The following LNX1 variants were observed in gnomAD, a reference collection of about 807,000 sequenced individuals.
The protein encoded by LNX1 is E3 ubiquitin-protein ligase LNX.
A neutral mutation model predicts 68.4 loss-of-function variants in LNX1; 54 were observed. The ratio of observed to expected loss-of-function variants is 0.79; its 90% CI spans 0.63 to 0.99. LNX1 has a LOEUF of 0.99. Among genes scored for constraint, LNX1 ranks in the 50% least tolerant of loss-of-function variants. The pLI is 0.00. For missense variants in LNX1, 906 were observed against 926.4 expected (o/e 0.98, Z 0.29); for synonymous variants, 336 against 350.0 (o/e 0.96, Z 0.45).
At chr4:53,632,526 T>G (rs1560701290) in intron 1 of LNX1, among the ~76,000 whole-genome samples, 2 of 152,210 alleles carry the variant, frequency 1.3e-5, no homozygotes, top group Non-Finnish European at 2.9e-5. Flanking sequence ...CTCCTTTGCC[T>G]CATGGCAGGA....
chr4:53,554,851 C>CAAA (rs3067036), intron 2 of LNX1, among the ~76,000 whole-genome samples: 20,539 of 120,998 alleles, frequency 0.17, 1,844 homozygotes, highest in African/African-American at 0.29. Flanking sequence ...GACTCTGTCT[C>CAAA]AAAAAAAAAA....
intron 2 of LNX1, among the ~76,000 whole-genome samples, chr4:53,600,581 T>A (rs1732955740): frequency 6.6e-6 from 1 of 152,080 alleles, no homozygotes; most frequent in Admixed American, 6.5e-5. Flanking sequence ...AGAAGGACTC[T>A]CAGTCAGATT....
chr4:53,575,392 A>C (rs1731418280), intron 1 of LNX1: 1 of 512,562 alleles, frequency 2.0e-6, no homozygotes, highest in Non-Finnish European at 2.5e-6. Context: ...GCATCTAGGA[A>C]GTCTCTTGCG....
intron 2 of LNX1, among the ~76,000 whole-genome samples, chr4:53,598,082 G>A (rs1377855803): frequency 6.6e-6 from 1 of 152,154 alleles, no homozygotes; most frequent in African/African-American, 2.4e-5. Context: ...GCAGACTTGA[G>A]ATTCAGTCCC....
At chr4:53,481,291 G>A (rs540363337) in intron 7 of LNX1, among the ~76,000 whole-genome samples, 5 of 152,150 alleles carry the variant, frequency 3.3e-5, no homozygotes, top group East Asian at 1.9e-4. Flanking sequence ...TGGGCCCTTC[G>A]GCAAACACAA....
chr4:53,537,807 AAG>A (rs1728478267), intron 2 of LNX1, among the ~76,000 whole-genome samples: 1 of 152,186 alleles, frequency 6.6e-6, no homozygotes, highest in Non-Finnish European at 1.5e-5. Context: ...ACTGACAACA[AAG>A]GAACAGCTTT....
intron 1 of LNX1, chr4:53,575,634 T>G (rs1731434356): frequency 7.5e-7 from 1 of 1,325,498 alleles, no homozygotes; most frequent in East Asian, 2.8e-5. Context: ...TTGGCTGCAT[T>G]GGCTGGGGAT....
upstream of LNX1, among the ~76,000 whole-genome samples, chr4:53,594,440 T>C (rs1732660154): frequency 6.6e-6 from 1 of 152,124 alleles, no homozygotes; most frequent in South Asian, 2.1e-4. Flanking sequence ...TGCATACATT[T>C]GGAAAATATG....
At chr4:53,472,598 T>G (rs1723281010) in intron 9 of LNX1, among the ~76,000 whole-genome samples, 1 of 151,724 alleles carries the variant, frequency 6.6e-6, no homozygotes, top group Admixed American at 6.6e-5. Context: ...TTATTTTATT[T>G]TTATTTGAAA....
chr4:53,529,370 C>CT (rs1347416408), intron 2 of LNX1, among the ~76,000 whole-genome samples: 10 of 152,254 alleles, frequency 6.6e-5, no homozygotes, highest in Middle Eastern at 3.4e-3. Flanking sequence ...TTTCCCTAGT[C>CT]CAGAGAACTA....
chr4:53,540,629 C>A (rs1728691255), intron 2 of LNX1, among the ~76,000 whole-genome samples: 3 of 149,514 alleles, frequency 2.0e-5, no homozygotes. Context: ...TTGCAGCGAG[C>A]CGAGATTGCG....
chr4:53,558,564 C>G (rs1314850833), intron 2 of LNX1, among the ~76,000 whole-genome samples: 1 of 152,210 alleles, frequency 6.6e-6, no homozygotes, highest in South Asian at 2.1e-4. Context: ...ACTGCACTGA[C>G]ATATGAAAGA....
At position 53,573,678 on chromosome 4, in the gene LNX1, C is replaced by T; in HGVS notation, c.325G>A (p.Glu109Lys). The T allele has an allele frequency of 1.9e-6, 3 of 1,608,590 alleles. No individual in the cohort carries two copies. The highest frequency in any genetic ancestry group is 2.5e-6 in the Non-Finnish European group (3 of 1,177,674). Residue 109 changes from glutamate (E) to lysine (K), a missense_variant, in exon 2 of 11, where the codon GAG becomes AAG. Coordinates refer to ENST00000263925, the MANE Select transcript of LNX1 (RefSeq NM_001126328.3). ...CGCTGCAACACCTGGGTGCAGTGCT[C>T]CCTGAATGGGCAGGTCACCAGTAGC... is the stretch of plus-strand genomic sequence containing the variant. The part of the protein sequence containing the change: ...NKLLVTCPFR[E>K]HCTQVLQRCD...
At chr4:53,578,189 C>A (rs955301337) in intron 1 of LNX1, among the ~76,000 whole-genome samples, 1 of 152,150 alleles carries the variant, frequency 6.6e-6, no homozygotes, top group Non-Finnish European at 1.5e-5. Flanking sequence ...TCATTAAATA[C>A]AAGAGACCCA....
rs114103555 is a variant in LNX1 at position 53,585,600 on chromosome 4, T to C, written c.-87+5788A>G. ...TGGGTCCTAAATTCAATGACAGATG[T>C]CCTTAGACACTTATAAGACAGGAGG... On this transcript the variant is annotated intron_variant, in intron 1 of 10. Transcript: ENST00000263925. 3.3e-3 allele frequency among the ~76,000 whole-genome samples: 499 copies of C among 152,242 alleles called. 3 individuals carry two copies. Among genetic ancestry groups the C allele is most frequent in the African/African-American group, 0.012 (485 of 41,558 alleles).
At chr4:53,464,309 T>C (rs1722477525) in intron 9 of LNX1, among the ~76,000 whole-genome samples, 1 of 152,138 alleles carries the variant, frequency 6.6e-6, no homozygotes, top group South Asian at 2.1e-4. Flanking sequence ...TTCCCTCTTC[T>C]GGATCAGGTA....
intron 5 of LNX1, 110 bp downstream of exon 5, chr4:53,498,531 C>A (rs114356062): frequency 4.0e-6 from 3 of 747,928 alleles, no homozygotes; most frequent in Non-Finnish European, 7.0e-6. Flanking sequence ...TCACTATCCA[C>A]ATTTATTTTA....
At chr4:53,578,652 G>A (rs1484594499) in intron 1 of LNX1, among the ~76,000 whole-genome samples, 2 of 152,194 alleles carry the variant, frequency 1.3e-5, no homozygotes, top group African/African-American at 4.8e-5. Flanking sequence ...ATGGAATGGA[G>A]TAAGCAAAAA....
At chr4:53,587,951 A>T (rs1362910327) in intron 1 of LNX1, among the ~76,000 whole-genome samples, 2 of 152,160 alleles carry the variant, frequency 1.3e-5, no homozygotes, top group African/African-American at 4.8e-5. Flanking sequence ...TGCCTTTGGG[A>T]GCCTTTTGGG....
Sources: allele counts gnomAD v4.1 joint callset (sites outside exome capture counted in the v4.1 genomes callset), GRCh38; gene constraint gnomAD v4.1.1; transcripts MANE v1.5; gene names NCBI Gene and HGNC (gene_info 2026-07-23, HGNC 2026-07-21).